The following FRMPD1 variants were observed in gnomAD, a reference collection of about 807,000 sequenced individuals.
The protein encoded by FRMPD1 is FERM and PDZ domain-containing protein 1.
FRMPD1 carries 76 observed loss-of-function variants against 117.8 expected under a neutral mutation model. The ratio of observed to expected loss-of-function variants is 0.65; its 90% CI spans 0.54 to 0.78. The LOEUF (loss-of-function observed/expected upper bound fraction) is 0.78, where lower values mean the gene tolerates loss of function less well. FRMPD1 is among the 30% of genes least tolerant of loss of function. The pLI, the probability that FRMPD1 is intolerant of heterozygous loss-of-function variation, is 0.00. For synonymous variants in FRMPD1, 783 were observed against 770.4 expected, an observed-to-expected ratio of 1.02 and a Z score of -0.27; for missense variants, 1,786 against 1,964.5, an observed-to-expected ratio of 0.91 and a Z score of 1.72.
intron 7 of FRMPD1, among the ~76,000 whole-genome samples, chr9:37,726,998 T>C (rs1172838194): frequency 6.6e-6 from 1 of 152,012 alleles, no homozygotes; most frequent in Non-Finnish European, 1.5e-5. Flanking sequence ...CCAAGAGTGA[T>C]GTGTGAAGGC....
the FRMPD1 span, among the ~76,000 whole-genome samples, chr9:37,627,995 C>T: frequency 6.6e-6 from 1 of 152,084 alleles, no homozygotes; most frequent in African/African-American, 2.4e-5. Flanking sequence ...GGAATAGGAC[C>T]GTGACTTATA....
rs1161863547 is a variant in FRMPD1 at position 37,746,329 on chromosome 9, C to A, written c.4297C>A (p.Gln1433Lys). 6.2e-7 allele frequency: 1 copy of A among 1,612,716 alleles called. No individual in the cohort carries two copies. Among genetic ancestry groups the A allele is most frequent in the Admixed American group, 1.7e-5 (1 of 59,976 alleles). ...IQLMESLLEL[Q>K]DILETSWGVG... ...ACTCATGGAGAGCTTGCTGGAGCTA[C>A]AAGACATTTTAGAAACTTCCTGGGG... is the stretch of plus-strand genomic sequence containing the variant. Residue 1433 changes from glutamine (Q) to lysine (K), a missense_variant, in exon 16 of 16, where the codon CAA (glutamine) becomes AAA (lysine). Gln to Lys is a moderately conservative substitution (Grantham distance 53). Coordinates refer to ENST00000377765, the MANE Select transcript of FRMPD1 (RefSeq NM_014907.3).
At chr9:37,737,823 TAAAAAAA>T (rs35965958) in intron 14 of FRMPD1, among the ~76,000 whole-genome samples, 1 of 106,306 alleles carries the variant, frequency 9.4e-6, no homozygotes, top group Non-Finnish European at 1.9e-5. Flanking sequence ...AACTCCATCT[TAAAAAAA>T]AAAAAAAAAA....
the FRMPD1 span, among the ~76,000 whole-genome samples, chr9:37,633,521 A>C: frequency 6.6e-6 from 1 of 152,242 alleles, no homozygotes. Flanking sequence ...CTATAAAAGA[A>C]ACCAGTGAGA....
the FRMPD1 span, among the ~76,000 whole-genome samples, chr9:37,611,215 G>C: frequency 6.6e-6 from 1 of 152,242 alleles, no homozygotes; most frequent in South Asian, 2.1e-4. Context: ...CTTGACCTTT[G>C]TACCAATTTG....
In FRMPD1 at chr9:37,746,589, G is replaced by A; in HGVS notation, c.4557G>A (p.Glu1519=). The part of the protein sequence containing the change: ...DCSRCSARHR[E]AAGNLRDVVY... ...GCCGCTGCTCCGCCCGGCACAGGGA[G>A]GCAGCGGGGAACCTGAGGGATGTGG... Residue 1519 remains glutamate, a synonymous_variant, in exon 16 of 16, where the codon GAG becomes GAA. Transcript: ENST00000377765. The A allele has an allele frequency of 6.2e-7, 1 of 1,613,924 alleles. No individual in the cohort carries two copies.
intron 2 of FRMPD1, among the ~76,000 whole-genome samples, chr9:37,701,287 G>T (rs888043697): frequency 6.6e-6 from 1 of 152,150 alleles, no homozygotes; most frequent in African/African-American, 2.4e-5. Context: ...CTACTCTATG[G>T]CTGGTACTGA....
intron 6 of FRMPD1, among the ~76,000 whole-genome samples, chr9:37,721,886 G>A (rs1823414594): frequency 1.3e-5 from 2 of 152,130 alleles, no homozygotes; most frequent in Admixed American, 6.5e-5. Flanking sequence ...TAAACATAGA[G>A]TCATGCATAT....
At chr9:37,668,295 C>A (rs58635357) in intron 1 of FRMPD1, 1 of 152,224 alleles carries the variant, frequency 6.6e-6, no homozygotes, top group Non-Finnish European at 1.5e-5. Context: ...GCCCAGTATC[C>A]GCAGATGAGG....
At chr9:37,736,871 GT>G (rs1241207920) in intron 13 of FRMPD1, among the ~76,000 whole-genome samples, 2 of 140,588 alleles carry the variant, frequency 1.4e-5, no homozygotes, top group African/African-American at 5.2e-5. Context: ...GTGTGTGTGT[GT>G]GTGTGTATGT....
chr9:37,706,097 CCAGCTCAGTATTA>C (rs1822695752), intron 2 of FRMPD1, among the ~76,000 whole-genome samples: 1 of 152,146 alleles, frequency 6.6e-6, no homozygotes, highest in Non-Finnish European at 1.5e-5. Flanking sequence ...CTCTGCTGCT[CCAGCTCAGTATTA>C]CCTGCATGCT....
At chr9:37,739,957 C>A (rs933675222) in intron 14 of FRMPD1, 121 bp from the exon 15 acceptor site, 1 of 748,024 alleles carries the variant, frequency 1.3e-6, no homozygotes, top group Non-Finnish European at 2.2e-6. Flanking sequence ...CGGTCTTAGG[C>A]CAGCCACCCT....
intron 1 of FRMPD1, among the ~76,000 whole-genome samples, chr9:37,667,673 G>C (rs1821207657): frequency 7.2e-6 from 1 of 139,012 alleles, no homozygotes; most frequent in African/African-American, 2.9e-5. Context: ...GACAGAGGGA[G>C]ACTCTGTCTC....
At position 37,708,482 on chromosome 9, in the gene FRMPD1, C is replaced by G; in HGVS notation, c.343C>G (p.Arg115Gly). 6.3e-7 allele frequency: 1 copy of G among 1,599,968 alleles called. No individual in the cohort carries two copies. Among genetic ancestry groups the G allele is most frequent in the Non-Finnish European group, 8.6e-7 (1 of 1,167,042 alleles). The change falls in exon 4 of 16, where the codon CGA (arginine) becomes GGA (glycine). Residue 115 changes from arginine (R) to glycine (G), a missense_variant. Coordinates refer to ENST00000377765, the MANE Select transcript of FRMPD1 (RefSeq NM_014907.3). The stretch of plus-strand genomic sequence containing the variant: ...GCCTGCTGAAGACCTTTCCTGGGAA[C>G]GAGCAGTCGATATTCTCAGGTACTA... ...NEPAEDLSWE[R>G]AVDILREAED...
chr9:37,604,233 A>T, the FRMPD1 span, among the ~76,000 whole-genome samples: 1 of 152,202 alleles, frequency 6.6e-6, no homozygotes, highest in Non-Finnish European at 1.5e-5. Context: ...ACCTTTCCTG[A>T]CTAGGTAGTA....
chr9:37,646,938 AG>A (rs1824150636), upstream of FRMPD1, among the ~76,000 whole-genome samples: 1 of 152,206 alleles, frequency 6.6e-6, no homozygotes, highest in Admixed American at 6.5e-5. Flanking sequence ...ATTGCCATAG[AG>A]AAAGCAAACT....
In FRMPD1 at chr9:37,746,497, GC is replaced by G. The variant is rs746095422; in HGVS notation, c.4467del (p.Val1490CysfsTer35). On this transcript the variant is annotated frameshift_variant, in exon 16 of 16. Transcript: ENST00000377765. LOFTEE classifies it high-confidence loss of function. Reference protein sequence around the residue: ...MDQSPEEMQGAVRDTFQHLVQ... With the variant: ...MDQSPEEMQGXVRDTFQHLVQ... ...CCAGTCCCCCGAAGAGATGCAGGGG[GC>G]CGTGCGTGACACCTTCCAGCACCTG... The G allele has an allele frequency of 6.2e-7, 1 of 1,613,518 alleles. No homozygotes were observed. Among genetic ancestry groups the G allele is most frequent in the Non-Finnish European group, 8.5e-7 (1 of 1,180,036 alleles).
chr9:37,720,467 A>G (rs532491301), intron 6 of FRMPD1, among the ~76,000 whole-genome samples: 1 of 152,286 alleles, frequency 6.6e-6, no homozygotes, highest in Non-Finnish European at 1.5e-5. Context: ...GATCGAGACC[A>G]TCCTGGCTAA....
chr9:37,713,582 C>T (rs113382542), intron 5 of FRMPD1, among the ~76,000 whole-genome samples: 24 of 147,596 alleles, frequency 1.6e-4, no homozygotes, highest in African/African-American at 6.1e-4. Context: ...AAGGTGAGAC[C>T]GTATATATAT....
Sources: allele counts gnomAD v4.1 joint callset (sites outside exome capture counted in the v4.1 genomes callset), GRCh38; gene constraint gnomAD v4.1.1; transcripts MANE v1.5; gene names NCBI Gene and HGNC (gene_info 2026-07-23, HGNC 2026-07-21).